SSBP4: variants seen among roughly 807,000 people sequenced by gnomAD.
The protein encoded by SSBP4 is single-stranded DNA-binding protein 4.
A neutral mutation model predicts 64.6 loss-of-function variants in SSBP4; 33 were observed. The ratio of observed to expected loss-of-function variants is 0.51; its 90% confidence interval spans 0.39 to 0.68. SSBP4 has a LOEUF of 0.68. Ranked by LOEUF, SSBP4 falls within the 30% of genes least tolerant of loss-of-function variation. The pLI is 0.00. For missense variants in SSBP4, 583 were observed against 566.8 expected, an observed-to-expected ratio of 1.03 and a Z score of -0.29; for synonymous variants, 243 against 224.0, an observed-to-expected ratio of 1.08 and a Z score of -0.76.
At chr19:18,422,457 C>T (rs1239149369) in intron 1 of SSBP4, among the ~76,000 whole-genome samples, 6 of 152,162 alleles carry the variant, frequency 3.9e-5, no homozygotes, top group African/African-American at 9.7e-5. Flanking sequence ...GAGAGGGTCT[C>T]GTATAAGTGT....
At position 18,427,345 on chromosome 19, in the gene SSBP4, C is replaced by G; in HGVS notation, c.60-6C>G. The G allele has an allele frequency of 6.2e-7, 1 of 1,609,550 alleles. No homozygotes were observed. The highest frequency in any genetic ancestry group is 8.5e-7 in the Non-Finnish European group (1 of 1,179,756). On this transcript the variant is annotated splice_polypyrimidine_tract_variant and splice_region_variant and intron_variant, in intron 1 of 17. Transcript: ENST00000270061. This position sits in a 1 kb window ranked among gnomAD's most constrained non-coding sequence, Gnocchi z 4.4. ...CTGAGCTCCCTGGGCCGCCTCGCCC[C>G]CACAGGTTGGCGCTGTACGTTTATG...
In SSBP4 at chr19:18,431,859, C is replaced by G. The variant is rs769443535; in HGVS notation, c.562C>G (p.Gln188Glu). 6.4e-7 allele frequency: 1 copy of G among 1,572,962 alleles called. No homozygotes were observed. Among genetic ancestry groups the G allele is most frequent in the African/African-American group, 1.4e-5 (1 of 73,954 alleles). Residue 188 changes from glutamine (Q) to glutamate (E), a missense_variant, in exon 8 of 18, where the codon CAG becomes GAG. Gln to Glu is a conservative substitution (Grantham distance 29). This residue lies in a region of SSBP4 where 444 missense variants were observed against 386.6 expected (regional missense o/e 1.15). Coordinates refer to ENST00000270061, the MANE Select transcript of SSBP4 (RefSeq NM_032627.5). ...CGCCATGGAGCCCTCCCCACGAGCC[C>G]AGGGTGAGTAGGGAAGCTCCAGCCC... is the stretch of plus-strand genomic sequence containing the variant. ...PGAMEPSPRA[Q>E]GHPSMGGPMQ...
chr19:18,434,072 G>A, intron 17 of SSBP4, 145 bp from the exon 18 acceptor site: 2 of 1,151,318 alleles, frequency 1.7e-6, no homozygotes, highest in Non-Finnish European at 1.1e-6. Flanking sequence ...CCCATGCATC[G>A]CCCCTCCCCC....
the SSBP4 span, among the ~76,000 whole-genome samples, chr19:18,407,526 C>T: frequency 8.5e-5 from 13 of 152,166 alleles, 1 homozygote; most frequent in South Asian, 1.0e-3. Flanking sequence ...ACGCCATTCT[C>T]CTGCCTCAAC....
chr19:18,432,418 C>T, intron 10 of SSBP4, 141 bp from the exon 11 acceptor site: 1 of 1,353,934 alleles, frequency 7.4e-7, no homozygotes, highest in Non-Finnish European at 1.0e-6. Flanking sequence ...CCTGGCAGCT[C>T]ATGGTGGCCA....
chr19:18,409,984 A>G, the SSBP4 span, among the ~76,000 whole-genome samples: 1 of 151,878 alleles, frequency 6.6e-6, no homozygotes, highest in Non-Finnish European at 1.5e-5. Context: ...GGCGCATGAC[A>G]CCACACCTGG....
intron 1 of SSBP4, among the ~76,000 whole-genome samples, chr19:18,421,606 CAA>C (rs2144686588): frequency 6.6e-6 from 1 of 152,338 alleles, no homozygotes; most frequent in Admixed American, 6.5e-5. Context: ...CAGGAGAAAG[CAA>C]AGTGGATGAT....
rs1293382110 is a variant in SSBP4 at position 18,433,830 on chromosome 19, G to C, written c.1128+13G>C. Reference sequence around the variant, plus strand: ...CCCGAGCGAAAGCGTAAGCGACTGCGTCGACTCCCCCCCCGCGGCGGCGTC... The same window carrying C: ...CCCGAGCGAAAGCGTAAGCGACTGCCTCGACTCCCCCCCCGCGGCGGCGTC... On this transcript the variant is annotated intron_variant, in intron 17 of 17. Coordinates refer to ENST00000270061, the MANE Select transcript of SSBP4 (RefSeq NM_032627.5). The C allele has an allele frequency of 7.1e-7, 1 of 1,407,896 alleles. No homozygotes were observed. The highest frequency in any genetic ancestry group is 1.4e-5 in the South Asian group (1 of 69,576). The allele number at this position is 1,407,896 out of a possible 1,614,324, so 87.2% of individuals were successfully genotyped here.
At chr19:18,409,808 C>T in the SSBP4 span, among the ~76,000 whole-genome samples, 4 of 152,032 alleles carry the variant, frequency 2.6e-5, no homozygotes, top group East Asian at 1.9e-4. Context: ...CATGAGCCAC[C>T]GTGCCTGGCC....
chr19:18,421,778 G>A (rs897092383), intron 1 of SSBP4, among the ~76,000 whole-genome samples: 3 of 152,142 alleles, frequency 2.0e-5, no homozygotes, highest in Non-Finnish European at 2.9e-5. Context: ...GCAGAAGTGC[G>A]CTCTGGCTCC....
chr19:18,405,835 C>G, the SSBP4 span, among the ~76,000 whole-genome samples: 1 of 151,998 alleles, frequency 6.6e-6, no homozygotes, highest in Admixed American at 6.6e-5. Context: ...ACTAAAAATA[C>G]AAAAAATTAG....
the SSBP4 span, among the ~76,000 whole-genome samples, chr19:18,407,250 C>G: frequency 6.6e-6 from 1 of 151,518 alleles, no homozygotes; most frequent in South Asian, 2.1e-4. Context: ...GTTGGCCAGG[C>G]TGGTCTCGAA....
At chr19:18,410,337 G>A in the SSBP4 span, among the ~76,000 whole-genome samples, 1 of 151,008 alleles carries the variant, frequency 6.6e-6, no homozygotes, top group Non-Finnish European at 1.5e-5. Context: ...TCACCATGTT[G>A]GCCAGGCTGG....
Position 18,427,222 on chromosome 19 carries a change from T to G in SSBP4, c.60-129T>G. 8.6e-5 allele frequency: 76 copies of G among 882,858 alleles called. No homozygotes were observed. Among genetic ancestry groups the G allele is most frequent in the Non-Finnish European group, 1.2e-4 (67 of 573,360 alleles). The allele number at this position is 882,858 out of a possible 1,614,324, so 54.7% of individuals were successfully genotyped here. On this transcript the variant is annotated intron_variant, in intron 1 of 17. Coordinates refer to ENST00000270061, the MANE Select transcript of SSBP4 (RefSeq NM_032627.5). This position sits in a 1 kb window ranked among gnomAD's most constrained non-coding sequence, Gnocchi z 4.4. ...CCTGCAGGACATAGATGGATAACTATGAGCTGTCCCTGCTGAGCAGCTGGT... is the reference window on the plus strand; with the variant it reads ...CCTGCAGGACATAGATGGATAACTAGGAGCTGTCCCTGCTGAGCAGCTGGT...
Position 18,426,878 on chromosome 19 carries a change from C to G in SSBP4, c.60-473C>G, listed in dbSNP as rs111873317. On this transcript the variant is annotated intron_variant, in intron 1 of 17. Coordinates refer to ENST00000270061, the MANE Select transcript of SSBP4 (RefSeq NM_032627.5). This position sits in a 1 kb window ranked among gnomAD's most constrained non-coding sequence, Gnocchi z 4.5. ...CCATGGTGGATGGGCATCTCTTCCC[C>G]AAGGAAGAGATGGGGTCCAGGGACT... Among the ~76,000 whole-genome samples the G allele has an allele frequency of 3.4e-4, 52 of 152,260 alleles. No individual in the cohort carries two copies. The highest frequency in any genetic ancestry group is 5.6e-4 in the Non-Finnish European group (38 of 67,998).
rs1040580131 is a variant in SSBP4 at position 18,431,564 on chromosome 19, G to A, written c.436-83G>A. The A allele has an allele frequency of 3.2e-5, 48 of 1,485,396 alleles. No homozygotes were observed. In the African/African-American group the frequency reaches 4.6e-4, roughly 14 times the overall value. The allele number at this position is 1,485,396 out of a possible 1,614,324, so 92.0% of individuals were successfully genotyped here. A position where few individuals can be genotyped will look rare whatever the true frequency, so the allele number is the denominator to read the frequency against. ...TCTGGAGGAGGGGGCTCCCCAGGTC[G>A]GGGGCCCCAGCATAGCAGGAATGGG... On this transcript the variant is annotated intron_variant, in intron 6 of 17. Transcript: ENST00000270061.
chr19:18,429,210 C>A (rs1285514124), intron 4 of SSBP4, among the ~76,000 whole-genome samples: 1 of 152,140 alleles, frequency 6.6e-6, no homozygotes, highest in African/African-American at 2.4e-5. Context: ...CGGAGGCGGC[C>A]CCTTCCTCTC....
At chr19:18,409,819 T>A in the SSBP4 span, among the ~76,000 whole-genome samples, 1 of 152,062 alleles carries the variant, frequency 6.6e-6, no homozygotes, top group South Asian at 2.1e-4. Context: ...GTGCCTGGCC[T>A]GGTTCAGTTT....
chr19:18,421,630 G>A (rs1177714866), intron 1 of SSBP4, among the ~76,000 whole-genome samples: 2 of 152,252 alleles, frequency 1.3e-5, no homozygotes, highest in African/African-American at 4.8e-5. Flanking sequence ...GATAGCGAAG[G>A]GTGAGGGGAT....
Sources: allele counts gnomAD v4.1 joint callset (sites outside exome capture counted in the v4.1 genomes callset), GRCh38; gene constraint gnomAD v4.1.1; regional missense constraint gnomAD v4.1.1; non-coding constraint Gnocchi (gnomAD v3.1); transcripts MANE v1.5; gene names NCBI Gene and HGNC (gene_info 2026-07-23, HGNC 2026-07-21).